CCDC148: variants seen among roughly 807,000 people sequenced by gnomAD.
CCDC148 encodes the protein coiled-coil domain-containing protein 148.
CCDC148 carries 89 observed loss-of-function variants against 85.7 expected under a neutral mutation model. That is an observed-to-expected ratio of 1.04 (90% CI 0.87 to 1.24). The LOEUF is 1.24. Ranked by LOEUF, CCDC148 falls within the 50% of genes most tolerant of loss-of-function variation. CCDC148 has a pLI of 0.00. For missense variants in CCDC148, 692 were observed against 671.7 expected, an observed-to-expected ratio of 1.03 and a Z score of -0.33; for synonymous variants, 230 against 213.9, an observed-to-expected ratio of 1.08 and a Z score of -0.66.
At chr2:158,415,914 T>G (rs1312839248) in intron 1 of CCDC148, among the ~76,000 whole-genome samples, 1 of 152,216 alleles carries the variant, frequency 6.6e-6, no homozygotes, top group South Asian at 2.1e-4. Context: ...ACATTTCCCC[T>G]CTACACTGTC....
At chr2:158,343,656 C>T (rs1053562666) in intron 3 of CCDC148, among the ~76,000 whole-genome samples, 1 of 152,118 alleles carries the variant, frequency 6.6e-6, no homozygotes, top group African/African-American at 2.4e-5. Context: ...AAGGGGATGT[C>T]GATTTCTAAA....
At chr2:158,369,512 A>C in intron 1 of CCDC148, among the ~76,000 whole-genome samples, 1 of 152,054 alleles carries the variant, frequency 6.6e-6, no homozygotes, top group South Asian at 2.1e-4. Flanking sequence ...TAATTTTGCA[A>C]ATGATTTTGT....
intron 1 of CCDC148, among the ~76,000 whole-genome samples, chr2:158,416,322 G>C (rs141312021): frequency 1.1e-4 from 16 of 152,262 alleles, no homozygotes; most frequent in African/African-American, 3.8e-4. Context: ...TATTTTCTTG[G>C]CTATTAACAT....
intron 10 of CCDC148, among the ~76,000 whole-genome samples, chr2:158,234,975 A>AGAGGGTG (rs1688032630): frequency 6.6e-6 from 1 of 152,130 alleles, no homozygotes; most frequent in African/African-American, 2.4e-5. Context: ...GGGGCCTTCC[A>AGAGGGTG]GAGGGTGGAG....
At chr2:158,402,894 G>A (rs904032982) in intron 1 of CCDC148, among the ~76,000 whole-genome samples, 1 of 152,076 alleles carries the variant, frequency 6.6e-6, no homozygotes, top group Non-Finnish European at 1.5e-5. Flanking sequence ...TTTGTTTTAA[G>A]AGATTTTCCA....
At chr2:158,424,009 A>G (rs1686942331) in intron 1 of CCDC148, among the ~76,000 whole-genome samples, 1 of 152,214 alleles carries the variant, frequency 6.6e-6, no homozygotes, top group South Asian at 2.1e-4. Context: ...AATCAAAACC[A>G]CAATGAGATA....
Position 158,249,310 on chromosome 2 carries a change from G to A in CCDC148, c.1251+1462C>T, listed in dbSNP as rs538331506. Among the ~76,000 whole-genome samples, 16 of 152,220 alleles carry A rather than the reference G, an allele frequency of 1.1e-4. No homozygotes were observed. The South Asian group carries it at 3.3e-3, about 32-fold the overall frequency. On this transcript the variant is annotated intron_variant, in intron 10 of 13. Transcript: ENST00000283233. ...GAAATGCTTCGAGGGCCCAAGTAGA[G>A]GGATATGCTTTTCAATAACTGTACT... is the stretch of plus-strand genomic sequence containing the variant.
At chr2:158,436,539 G>T (rs922005609) in intron 1 of CCDC148, among the ~76,000 whole-genome samples, 3 of 151,958 alleles carry the variant, frequency 2.0e-5, no homozygotes, top group Non-Finnish European at 1.5e-5. Context: ...GATCTAAAAT[G>T]GACACCCTAA....
At chr2:158,293,253 G>C (rs1441337780) in intron 9 of CCDC148, among the ~76,000 whole-genome samples, 1 of 152,144 alleles carries the variant, frequency 6.6e-6, no homozygotes, top group African/African-American at 2.4e-5. Context: ...CAATATCTAT[G>C]GCATTAGTGT....
chr2:158,196,673 G>A (rs370695673), intron 11 of CCDC148, among the ~76,000 whole-genome samples: 3 of 152,012 alleles, frequency 2.0e-5, no homozygotes, highest in South Asian at 2.1e-4. Flanking sequence ...CCTGAATAAC[G>A]TTCACACTGG....
chr2:158,355,536 C>T (rs1394335613), intron 2 of CCDC148, among the ~76,000 whole-genome samples: 456 of 144,528 alleles, frequency 3.2e-3, no homozygotes, highest in Non-Finnish European at 5.2e-3. Flanking sequence ...TGTGAAGGAC[C>T]TCTTCAAGGA....
intron 9 of CCDC148, among the ~76,000 whole-genome samples, chr2:158,306,950 C>T (rs1241899359): frequency 2.0e-5 from 3 of 150,272 alleles, no homozygotes; most frequent in East Asian, 2.0e-4. Context: ...ACCCGGGAGG[C>T]GCAGCTTGCA....
At chr2:158,322,258 A>C (rs1692553770) in intron 7 of CCDC148, among the ~76,000 whole-genome samples, 1 of 152,154 alleles carries the variant, frequency 6.6e-6, no homozygotes, top group Non-Finnish European at 1.5e-5. Context: ...ATAATTGTCC[A>C]AAAATAGGAA....
intron 11 of CCDC148, among the ~76,000 whole-genome samples, chr2:158,190,619 GATAT>G (rs1685378311): frequency 6.6e-6 from 1 of 151,946 alleles, no homozygotes; most frequent in African/African-American, 2.4e-5. Context: ...GTTTATGGTA[GATAT>G]AGTTTAACTC....
chr2:158,229,406 TTAA>T (rs1354197357), intron 10 of CCDC148, among the ~76,000 whole-genome samples: 15 of 152,216 alleles, frequency 9.9e-5, no homozygotes, highest in Non-Finnish European at 1.9e-4. Flanking sequence ...TAGCATGTAC[TTAA>T]TAACCATTTG....
chr2:158,298,692 A>T (rs1352043650), intron 9 of CCDC148, among the ~76,000 whole-genome samples: 1 of 152,106 alleles, frequency 6.6e-6, no homozygotes, highest in Non-Finnish European at 1.5e-5. Context: ...TATATTTTAC[A>T]TTTCTAGAAT....
chr2:158,413,603 C>CT (rs4028060), intron 1 of CCDC148, among the ~76,000 whole-genome samples: 98,851 of 148,684 alleles, frequency 0.66, 33,372 homozygotes, highest in East Asian at 0.83. Flanking sequence ...TTTCTCTTGC[C>CT]TTTTTTTTTT....
At chr2:158,399,794 G>C (rs1685693480) in intron 1 of CCDC148, among the ~76,000 whole-genome samples, 1 of 152,104 alleles carries the variant, frequency 6.6e-6, no homozygotes, top group Non-Finnish European at 1.5e-5. Flanking sequence ...GCAAGAGAAT[G>C]AAATAAAGGG....
intron 1 of CCDC148, among the ~76,000 whole-genome samples, chr2:158,374,750 G>T (rs990183641): frequency 6.6e-6 from 1 of 151,574 alleles, no homozygotes; most frequent in African/African-American, 2.4e-5. Flanking sequence ...AGCCCCAAAA[G>T]GTCCTATTAC....
Sources: gnomAD v4.1 joint callset for allele counts (sites outside exome capture counted in the v4.1 genomes callset) on GRCh38, gnomAD v4.1.1 for gene constraint, MANE v1.5 for transcripts, NCBI Gene and HGNC (gene_info 2026-07-23, HGNC 2026-07-21) for gene names.